Variants in HS3ST1 observed in about 807,000 individuals in gnomAD.
HS3ST1 encodes the protein heparan sulfate glucosamine 3-O-sulfotransferase 1.
Under a neutral mutation model 20.7 loss-of-function variants are expected in HS3ST1, and 8 were observed. The ratio of observed to expected loss-of-function variants is 0.39; its 90% CI spans 0.23 to 0.70. The LOEUF is 0.70. Ranked by LOEUF, HS3ST1 falls within the 30% of genes least tolerant of loss-of-function variation. The pLI is 0.46. For missense variants in HS3ST1, 436 were observed against 423.4 expected (o/e 1.03, Z -0.26); for synonymous variants, 205 against 190.4 (o/e 1.08, Z -0.63).
At chr4:11,420,803 A>G (rs2108889551) in intron 1 of HS3ST1, among the ~76,000 whole-genome samples, 1 of 152,334 alleles carries the variant, frequency 6.6e-6, no homozygotes, top group South Asian at 2.1e-4. Flanking sequence ...CACCAAAGAA[A>G]ACAGCCCTTC....
At chr4:11,405,396 T>A (rs1718437882) in intron 1 of HS3ST1, among the ~76,000 whole-genome samples, 1 of 152,132 alleles carries the variant, frequency 6.6e-6, no homozygotes, top group Non-Finnish European at 1.5e-5. Context: ...CAAGGGAGAT[T>A]CCACAGAATC....
At chr4:11,402,892 A>G (rs569311533) in intron 1 of HS3ST1, among the ~76,000 whole-genome samples, 2 of 152,364 alleles carry the variant, frequency 1.3e-5, no homozygotes, top group African/African-American at 2.4e-5. Context: ...GAAACTAAAT[A>G]TAGTTTGTCC....
chr4:11,403,165 G>C (rs969114814), intron 1 of HS3ST1, among the ~76,000 whole-genome samples: 1 of 152,178 alleles, frequency 6.6e-6, no homozygotes, highest in Non-Finnish European at 1.5e-5. Context: ...ATGTGTATAT[G>C]TAAAAATGTG....
intron 1 of HS3ST1, among the ~76,000 whole-genome samples, chr4:11,406,670 T>G (rs974277387): frequency 6.6e-6 from 1 of 152,190 alleles, no homozygotes; most frequent in African/African-American, 2.4e-5. Context: ...ATGCTTCCCC[T>G]TGGGCAGTGG....
At chr4:11,401,056 C>T (rs924188754) in intron 1 of HS3ST1, among the ~76,000 whole-genome samples, 3 of 152,088 alleles carry the variant, frequency 2.0e-5, no homozygotes, top group South Asian at 2.1e-4. Context: ...AGTTAATTGA[C>T]GCAGCCTGAC....
chr4:11,425,535 C>T lies in HS3ST1; in HGVS notation c.-109+3164G>A, dbSNP rs1457580779. Among the ~76,000 whole-genome samples, 5 of 152,244 alleles carry T rather than the reference C, an allele frequency of 3.3e-5. No homozygotes were observed. The East Asian group carries it at 9.6e-4, about 29-fold the overall frequency. ...AGTGAGGCCCGGTGCTTGTAGCATT[C>T]AGGTGGAGTGATCACAAGAAGAGAC... is the stretch of plus-strand genomic sequence containing the variant. On this transcript the variant is annotated intron_variant, in intron 1 of 1. Transcript: ENST00000002596.
At chr4:11,411,822 A>G (rs1373791609) in intron 1 of HS3ST1, among the ~76,000 whole-genome samples, 2 of 152,234 alleles carry the variant, frequency 1.3e-5, no homozygotes, top group Non-Finnish European at 1.5e-5. Context: ...GATGAATTAC[A>G]GGAGCTCGGA....
chr4:11,421,444 A>G (rs1449121731), intron 1 of HS3ST1, among the ~76,000 whole-genome samples: 1 of 152,036 alleles, frequency 6.6e-6, no homozygotes, highest in Non-Finnish European at 1.5e-5. Flanking sequence ...CTCCCAGCCC[A>G]CTCTCATTCC....
At chr4:11,421,879 A>G (rs1718947477) in intron 1 of HS3ST1, among the ~76,000 whole-genome samples, 1 of 152,218 alleles carries the variant, frequency 6.6e-6, no homozygotes, top group South Asian at 2.1e-4. Flanking sequence ...GGGCATCTCT[A>G]AGAAAAGTTT....
intron 1 of HS3ST1, among the ~76,000 whole-genome samples, chr4:11,400,404 C>T (rs1024855191): frequency 1.3e-5 from 2 of 152,196 alleles, no homozygotes; most frequent in African/African-American, 2.4e-5. Flanking sequence ...TCCAAGAACA[C>T]TCTATTTATG....
upstream of HS3ST1, among the ~76,000 whole-genome samples, chr4:11,432,021 A>G (rs1316284774): frequency 2.0e-5 from 3 of 152,210 alleles, no homozygotes; most frequent in Non-Finnish European, 2.9e-5. Flanking sequence ...TTAGAGCACT[A>G]GAGGAGGAAG....
At position 11,395,006 on chromosome 4, in the gene HS3ST1, C is replaced by G. The variant is rs1473434467; in HGVS notation, c.*4076G>C. ...CTTCCAACACTCCAGCCTTGGAAAG[C>G]AGTAGCTTCTCATTGAGTTTAACAC... On this transcript the variant is annotated 3_prime_UTR_variant, in exon 2 of 2. Coordinates refer to ENST00000002596, the MANE Select transcript of HS3ST1 (RefSeq NM_005114.4). The G allele has an allele frequency of 6.6e-6, 1 of 152,224 alleles. No homozygotes were observed. Among genetic ancestry groups the G allele is most frequent in the Non-Finnish European group, 1.5e-5 (1 of 68,044 alleles). 9.4% of individuals were successfully genotyped at this position (152,224 alleles called of 1,614,324 possible). A position where few individuals can be genotyped will look rare whatever the true frequency, so the allele number is the denominator to read the frequency against.
chr4:11,433,549 A>C (rs986371114), upstream of HS3ST1, among the ~76,000 whole-genome samples: 3 of 152,204 alleles, frequency 2.0e-5, no homozygotes, highest in Non-Finnish European at 4.4e-5. Context: ...AGGGCGATGG[A>C]AAATTGTGGC....
Position 11,399,922 on chromosome 4 carries a change from C to T in HS3ST1, c.84G>A (p.Gln28=), listed in dbSNP as rs759429694. ...VPSRPAELGQ[Q]ELLRKAGTLQ... Reference sequence around the variant, plus strand: ...GGGTCCCCGCTTTCCGCAGAAGCTCCTGCTGGCCTAGCTCGGCGGGGCGGG... The same window carrying T: ...GGGTCCCCGCTTTCCGCAGAAGCTCTTGCTGGCCTAGCTCGGCGGGGCGGG... The change falls in exon 2 of 2, where the codon CAG becomes CAA. Residue 28 remains glutamine, a synonymous_variant. Coordinates refer to ENST00000002596, the MANE Select transcript of HS3ST1 (RefSeq NM_005114.4). The surrounding 1 kb of genome is among the most constrained non-coding windows in gnomAD (Gnocchi z 5.1). The T allele has an allele frequency of 4.4e-6, 7 of 1,601,264 alleles. No homozygotes were observed. The highest frequency in any genetic ancestry group is 1.1e-5 in the South Asian group (1 of 89,924).
At chr4:11,403,803 G>A (rs950678694) in intron 1 of HS3ST1, among the ~76,000 whole-genome samples, 2 of 152,132 alleles carry the variant, frequency 1.3e-5, no homozygotes, top group Non-Finnish European at 2.9e-5. Context: ...CAGGATTCCT[G>A]TCTCTAGTTT....
intron 1 of HS3ST1, among the ~76,000 whole-genome samples, chr4:11,411,809 C>G (rs1285915192): frequency 6.6e-6 from 1 of 152,142 alleles, no homozygotes; most frequent in African/African-American, 2.4e-5. Context: ...CAGGAATCAT[C>G]AAGATGAATT....
At chr4:11,423,165 T>A (rs904073913) in intron 1 of HS3ST1, among the ~76,000 whole-genome samples, 12 of 152,252 alleles carry the variant, frequency 7.9e-5, no homozygotes, top group Middle Eastern at 3.4e-3. Context: ...TATTTCATGC[T>A]GGTCTATAAT....
At chr4:11,429,585 CTTTGG>C (rs1229928002), upstream of HS3ST1, 1 of 140,330 alleles carries the variant, frequency 7.1e-6, no homozygotes, top group Non-Finnish European at 1.5e-5. Flanking sequence ...ACTCCTTTTC[CTTTGG>C]TTTAGCGTCG....
chr4:11,423,971 G>A (rs1319316882), intron 1 of HS3ST1, among the ~76,000 whole-genome samples: 2 of 147,014 alleles, frequency 1.4e-5, no homozygotes, highest in Non-Finnish European at 3.0e-5. Flanking sequence ...TAGGAATATC[G>A]AATTAGCTGC....
Sources: gnomAD v4.1 joint callset for allele counts (sites outside exome capture counted in the v4.1 genomes callset) on GRCh38, gnomAD v4.1.1 for gene constraint, Gnocchi (gnomAD v3.1) non-coding constraint, MANE v1.5 for transcripts, NCBI Gene and HGNC (gene_info 2026-07-23, HGNC 2026-07-21) for gene names.